The following RAB5C variants were observed in gnomAD, a reference collection of about 807,000 sequenced individuals.
RAB5C encodes RAB5C, member RAS oncogene family, also known as ras-related protein Rab-5C.
RAB5C carries 4 observed loss-of-function variants against 25.2 expected under a neutral mutation model. The observed-to-expected ratio is 0.16, with a 90% CI of 0.08 to 0.36. The LOEUF is 0.36. Ranked by LOEUF, RAB5C falls within the 10% of genes least tolerant of loss-of-function variation. The pLI is 1.00. For missense variants in RAB5C, 199 were observed against 283.8 expected (o/e 0.70, Z 2.15); for synonymous variants, 100 against 106.4 (o/e 0.94, Z 0.37).
intron 4 of RAB5C, among the ~76,000 whole-genome samples, 159 bp downstream of exon 4, chr17:42,128,102 G>C (rs530043588): frequency 5.3e-5 from 8 of 152,284 alleles, no homozygotes; most frequent in African/African-American, 1.9e-4. Context: ...TTACAGACAG[G>C]AGCCATGTTA....
At chr17:42,150,787 G>A (rs1019711711) in intron 1 of RAB5C, among the ~76,000 whole-genome samples, 1 of 151,850 alleles carries the variant, frequency 6.6e-6, no homozygotes, top group Non-Finnish European at 1.5e-5. Flanking sequence ...CAGGAGAATC[G>A]CTTGAACACA....
At chr17:42,141,551 C>A (rs2079603458) in intron 1 of RAB5C, among the ~76,000 whole-genome samples, 1 of 152,080 alleles carries the variant, frequency 6.6e-6, no homozygotes, top group Non-Finnish European at 1.5e-5. Context: ...CGGCTCGGGT[C>A]CCCTAACAGA....
At chr17:42,134,980 GTT>G (rs528680102) in intron 1 of RAB5C, among the ~76,000 whole-genome samples, 43,995 of 134,518 alleles carry the variant, frequency 0.33, 8,680 homozygotes, top group African/African-American at 0.61. Context: ...TTTTTCTTAA[GTT>G]TTTTTTTTTT....
intron 1 of RAB5C, among the ~76,000 whole-genome samples, chr17:42,142,791 C>T (rs866772112): frequency 6.6e-6 from 1 of 152,172 alleles, no homozygotes; most frequent in Non-Finnish European, 1.5e-5. Context: ...TTCAGGATCA[C>T]GGCACAAAGT....
In RAB5C at chr17:42,150,850, C is replaced by CA. The variant is rs996635609; in HGVS notation, c.-89+4042dup. The stretch of plus-strand genomic sequence containing the variant: ...CAACAGAATGAGAATGAGACTGCCT[C>CA]AAAAAAAAAAAGAACCTTCAAACCC... On this transcript the variant is annotated intron_variant, in intron 1 of 5. Transcript: ENST00000346213. 2.3e-3 allele frequency among the ~76,000 whole-genome samples: 332 copies of CA among 142,824 alleles called. 1 individual carries two copies. Among genetic ancestry groups the CA allele is most frequent in the African/African-American group, 6.9e-3 (270 of 38,962 alleles). 93.7% of individuals were successfully genotyped at this position (142,824 alleles called of 152,430 possible).
intron 1 of RAB5C, among the ~76,000 whole-genome samples, chr17:42,145,401 C>A (rs1173513325): frequency 1.3e-5 from 2 of 152,114 alleles, no homozygotes; most frequent in East Asian, 1.9e-4. Flanking sequence ...CATGGAAAGG[C>A]TTGTGGATTG....
rs571876711 is a variant in RAB5C at position 42,154,273 on chromosome 17, G to A, written c.-89+620C>T. Among the ~76,000 whole-genome samples the A allele has an allele frequency of 2.6e-5, 4 of 152,336 alleles. No individual in the cohort carries two copies. In the South Asian group the frequency reaches 6.2e-4, roughly 24 times the overall value. On this transcript the variant is annotated intron_variant, in intron 1 of 5. Coordinates refer to ENST00000346213, the MANE Select transcript of RAB5C (RefSeq NM_004583.4). ...CACTCAAAGAACAACATAACTAGAG[G>A]ACAGGGCTGGGAGACAGAAGGGGCA... is the stretch of plus-strand genomic sequence containing the variant.
intron 1 of RAB5C, among the ~76,000 whole-genome samples, chr17:42,146,476 C>G (rs914532864): frequency 6.6e-6 from 1 of 152,204 alleles, no homozygotes; most frequent in Non-Finnish European, 1.5e-5. Context: ...ATTGCCCAGG[C>G]ACAGTGGCTC....
chr17:42,133,514 T>G lies in RAB5C; in HGVS notation c.-88-2924A>C, dbSNP rs144108875. 3.3e-4 allele frequency among the ~76,000 whole-genome samples: 51 copies of G among 152,332 alleles called. No individual in the cohort carries two copies. The East Asian group carries it at 9.6e-3, about 29-fold the overall frequency. On this transcript the variant is annotated intron_variant, in intron 1 of 5. Transcript: ENST00000346213. The stretch of plus-strand genomic sequence containing the variant: ...AGTGGTTCTCAACGGTGTCTGTACA[T>G]TGAAGTCATCTGTGCAGCCAGCCCC...
intron 1 of RAB5C, among the ~76,000 whole-genome samples, chr17:42,133,943 G>A (rs1221258723): frequency 6.6e-6 from 1 of 152,174 alleles, no homozygotes; most frequent in Non-Finnish European, 1.5e-5. Flanking sequence ...GTTCTGCCTG[G>A]TCACTGATCC....
intron 2 of RAB5C, among the ~76,000 whole-genome samples, chr17:42,129,040 G>A (rs1342708359): frequency 1.3e-5 from 2 of 152,042 alleles, no homozygotes; most frequent in African/African-American, 4.8e-5. Flanking sequence ...GGCAGGAGAA[G>A]GGACTCCTGC....
At chr17:42,127,263 G>A (rs1450059108) in intron 4 of RAB5C, among the ~76,000 whole-genome samples, 2 of 152,178 alleles carry the variant, frequency 1.3e-5, no homozygotes, top group African/African-American at 2.4e-5. Flanking sequence ...AGTATGTATA[G>A]CACACTGCCA....
At position 42,125,772 on chromosome 17, in the gene RAB5C, G is replaced by C; in HGVS notation, c.*11C>G. ...CGGAGGAGGCGGGGGCAGCGGGCAG[G>C]CAAGGGGGGCTCAGTTGCTGCAGCA... On this transcript the variant is annotated 3_prime_UTR_variant, in exon 6 of 6. Transcript: ENST00000346213. 3 of 1,582,586 alleles carry C rather than the reference G, an allele frequency of 1.9e-6. No individual in the cohort carries two copies. The South Asian group carries it at 3.4e-5, about 18-fold the overall frequency.
At chr17:42,145,222 C>T (rs949415968) in intron 1 of RAB5C, among the ~76,000 whole-genome samples, 1 of 151,994 alleles carries the variant, frequency 6.6e-6, no homozygotes, top group Non-Finnish European at 1.5e-5. Flanking sequence ...GTAGCTACTC[C>T]GCCCTCAACA....
At chr17:42,128,136 G>C in intron 4 of RAB5C, 125 bp downstream of exon 4, 3 of 1,375,028 alleles carry the variant, frequency 2.2e-6, no homozygotes, top group Non-Finnish European at 2.9e-6. Flanking sequence ...GGCACGAGAG[G>C]ACAGCAGATG....
At chr17:42,129,880 G>A (rs776392259) in intron 2 of RAB5C, among the ~76,000 whole-genome samples, 85 of 152,218 alleles carry the variant, frequency 5.6e-4, no homozygotes, top group Non-Finnish European at 9.0e-4. Context: ...AACAGGCTGT[G>A]AGCTCCAGAA....
At chr17:42,126,016 C>G (rs1188614979) in intron 5 of RAB5C, 118 bp from the exon 6 acceptor site, 12 of 711,624 alleles carry the variant, frequency 1.7e-5, no homozygotes, top group Non-Finnish European at 2.9e-5. Flanking sequence ...TTGAGGGCTT[C>G]TGTGTGTCAG....
chr17:42,153,657 C>T (rs1160955618), intron 1 of RAB5C, among the ~76,000 whole-genome samples: 2 of 152,178 alleles, frequency 1.3e-5, no homozygotes, highest in African/African-American at 4.8e-5. Flanking sequence ...AAGGGTCAGT[C>T]ATGGCCTCAG....
intron 1 of RAB5C, among the ~76,000 whole-genome samples, chr17:42,142,418 G>A (rs772988926): frequency 1.5e-4 from 23 of 152,216 alleles, no homozygotes; most frequent in Non-Finnish European, 2.8e-4. Flanking sequence ...CAGTTGTTGA[G>A]AGGGCTAGGG....
Sources: gnomAD v4.1 joint callset for allele counts (sites outside exome capture counted in the v4.1 genomes callset) on GRCh38, gnomAD v4.1.1 for gene constraint, MANE v1.5 for transcripts, NCBI Gene and HGNC (gene_info 2026-07-23, HGNC 2026-07-21) for gene names.